ADNP: variants seen among roughly 807,000 people sequenced by gnomAD.
ADNP encodes the protein activity dependent neuroprotector homeobox.
Under a neutral mutation model 84.9 loss-of-function variants are expected in ADNP, and 4 were observed. That is an observed-to-expected ratio of 0.05 (90% confidence interval 0.02 to 0.11). ADNP has a LOEUF of 0.11. Among genes scored for constraint, ADNP ranks in the 10% least tolerant of loss-of-function variants. The probability of loss-of-function intolerance (pLI) is 1.00; values close to 1 mark genes in which losing one functional copy is unlikely to be tolerated. For missense variants in ADNP, 1,132 were observed against 1,326.0 expected, an observed-to-expected ratio of 0.85 and a Z score of 2.27; for synonymous variants, 554 against 468.1, an observed-to-expected ratio of 1.18 and a Z score of -2.37.
At chr20:50,913,511 A>G (rs1393742924) in intron 2 of ADNP, among the ~76,000 whole-genome samples, 1 of 152,182 alleles carries the variant, frequency 6.6e-6, no homozygotes, top group Non-Finnish European at 1.5e-5. Flanking sequence ...CCTTAAACCA[A>G]TGATCTAACT....
At chr20:50,900,136 A>C (rs1311374048) in intron 5 of ADNP, among the ~76,000 whole-genome samples, 1 of 152,190 alleles carries the variant, frequency 6.6e-6, no homozygotes, top group Non-Finnish European at 1.5e-5. Flanking sequence ...CAAGTGCCCA[A>C]TATAGGTGTA....
In ADNP at chr20:50,902,253, G is replaced by A. The variant is rs890818561; in HGVS notation, c.109-144C>T. The A allele has an allele frequency of 1.8e-5, 11 of 595,046 alleles. 1 individual carries two copies. Among genetic ancestry groups the A allele is most frequent in the Non-Finnish European group, 2.9e-5 (10 of 341,256 alleles). 36.9% of individuals were successfully genotyped at this position (595,046 alleles called of 1,614,324 possible). ...AAGGACTTAAACTAGGAGTGATAAG[G>A]CTCTTAAATATAAAAAGGCATATGG... On this transcript the variant is annotated intron_variant, in intron 4 of 5. Transcript: ENST00000621696.
rs779504010 is a variant in ADNP at position 50,902,099 on chromosome 20, T to C, written c.119A>G (p.Gln40Arg). The part of the protein sequence containing the change: ...YCKEHIEDFK[Q>R]FEPNDFYLKN... ...CAAATAAAAGTCATTAGGTTCAAAT[T>C]GTTTAAAATCCTAGAAAACAGTGAA... Residue 40 changes from glutamine to arginine, a missense_variant, in exon 5 of 6, where the codon CAA becomes CGA. Gln to Arg is a conservative substitution (Grantham distance 43). This residue lies in a region of ADNP where 56 missense variants were observed against 94.6 expected (regional missense o/e 0.59). Coordinates refer to ENST00000621696, the MANE Select transcript of ADNP (RefSeq NM_001282531.3). 21 of 1,610,088 alleles carry C rather than the reference T, an allele frequency of 1.3e-5. No individual in the cohort carries two copies. Among genetic ancestry groups the C allele is most frequent in the Non-Finnish European group, 1.8e-5 (21 of 1,176,260 alleles).
chr20:50,922,490 G>C (rs1392466917), intron 2 of ADNP, among the ~76,000 whole-genome samples: 1 of 151,374 alleles, frequency 6.6e-6, no homozygotes, highest in Non-Finnish European at 1.5e-5. Flanking sequence ...AAATGCGTAA[G>C]GGCACTGGGC....
At chr20:50,901,572 ATC>A (rs1439365567) in intron 5 of ADNP, among the ~76,000 whole-genome samples, 1 of 152,180 alleles carries the variant, frequency 6.6e-6, no homozygotes, top group South Asian at 2.1e-4. Context: ...AAGAAGTTTT[ATC>A]TCTCTGTCAC....
chr20:50,895,312 T>TA (rs1235219141), intron 5 of ADNP, among the ~76,000 whole-genome samples: 1 of 152,242 alleles, frequency 6.6e-6, no homozygotes, highest in Non-Finnish European at 1.5e-5. Context: ...TACAAACCTG[T>TA]ACAGCATGTT....
chr20:50,913,250 C>CAA (rs56911332), intron 2 of ADNP, among the ~76,000 whole-genome samples: 1,393 of 42,882 alleles, frequency 0.032, 478 homozygotes, highest in Middle Eastern at 0.059. Context: ...GACTCTGTCT[C>CAA]AAAAAAAAAA....
At chr20:50,907,495 G>C (rs778031585) in intron 2 of ADNP, among the ~76,000 whole-genome samples, 6 of 150,804 alleles carry the variant, frequency 4.0e-5, no homozygotes, top group Non-Finnish European at 7.4e-5. Context: ...TCAAACTCCT[G>C]ACCTCAGGTG....
chr20:50,922,153 C>A (rs1983996585), intron 2 of ADNP, among the ~76,000 whole-genome samples: 1 of 152,188 alleles, frequency 6.6e-6, no homozygotes, highest in South Asian at 2.1e-4. Context: ...TCACACCACA[C>A]AGAAGTCGTG....
At chr20:50,921,545 A>G (rs2122976943) in intron 2 of ADNP, among the ~76,000 whole-genome samples, 1 of 152,362 alleles carries the variant, frequency 6.6e-6, no homozygotes, top group Non-Finnish European at 1.5e-5. Flanking sequence ...ACTGGTGCCC[A>G]CAACTGGAAA....
At position 50,922,578 on chromosome 20, in the gene ADNP, G is replaced by GTTTTT. The variant is rs58775431; in HGVS notation, c.-90+6068_-90+6072dup. ...AGCTCTCTGAACCCAGTCCTCCTGC[G>GTTTTT]TTTTTTTTTTTTTTTTTTAAAGACA... On this transcript the variant is annotated intron_variant, in intron 2 of 5. Coordinates refer to ENST00000621696, the MANE Select transcript of ADNP (RefSeq NM_001282531.3). Among the ~76,000 whole-genome samples, 26 of 125,460 alleles carry GTTTTT rather than the reference G, an allele frequency of 2.1e-4. 1 individual carries two copies. Among genetic ancestry groups the GTTTTT allele is most frequent in the Admixed American group, 5.6e-4 (7 of 12,398 alleles). The allele number at this position is 125,460 out of a possible 152,430, so 82.3% of individuals were successfully genotyped here.
At chr20:50,920,797 A>C (rs1223422233) in intron 2 of ADNP, among the ~76,000 whole-genome samples, 3 of 152,208 alleles carry the variant, frequency 2.0e-5, no homozygotes, top group Admixed American at 6.5e-5. Flanking sequence ...TGTGCTAATA[A>C]TACTATTTTC....
chr20:50,899,197 GTT>G (rs111552447), intron 5 of ADNP, among the ~76,000 whole-genome samples: 27 of 140,906 alleles, frequency 1.9e-4, no homozygotes, highest in Non-Finnish European at 2.3e-4. Context: ...TGGTAATGAG[GTT>G]TTTTTTTTTT....
chr20:50,920,450 A>C (rs570045500), intron 2 of ADNP, among the ~76,000 whole-genome samples: 14 of 147,244 alleles, frequency 9.5e-5, no homozygotes, highest in African/African-American at 3.3e-4. Flanking sequence ...TGTGGTGGCC[A>C]GCGCCTGTAA....
chr20:50,915,128 G>GAAATACAAAT (rs1329129229), intron 2 of ADNP, among the ~76,000 whole-genome samples: 1 of 152,010 alleles, frequency 6.6e-6, no homozygotes, highest in East Asian at 1.9e-4. Context: ...TTGTATTTCA[G>GAAATACAAAT]AAACTAAAAA....
In ADNP at chr20:50,931,002, G is replaced by A. The variant is rs1044589008; in HGVS notation, c.-441C>T. 3.3e-4 allele frequency: 49 copies of A among 146,468 alleles called. No homozygotes were observed. The highest frequency in any genetic ancestry group is 1.2e-3 in the African/African-American group (48 of 40,522). 9.1% of individuals were successfully genotyped at this position (146,468 alleles called of 1,614,324 possible). A position where few individuals can be genotyped will look rare whatever the true frequency, so the allele number is the denominator to read the frequency against. ...TCGCGCCGCGGCCGCGGGTGCTGCCGGGGGGCGCGGCGGGCGCAGCAGAGC... is the reference window on the plus strand; with the variant it reads ...TCGCGCCGCGGCCGCGGGTGCTGCCAGGGGGCGCGGCGGGCGCAGCAGAGC... On this transcript the variant is annotated 5_prime_UTR_variant, in exon 1 of 6. Transcript: ENST00000621696.
At chr20:50,896,259 G>T (rs1455726360) in intron 5 of ADNP, among the ~76,000 whole-genome samples, 1 of 151,702 alleles carries the variant, frequency 6.6e-6, no homozygotes, top group Non-Finnish European at 1.5e-5. Context: ...CAAACACATT[G>T]TACAGCCGTA....
chr20:50,903,999 T>C lies in ADNP; in HGVS notation c.-3A>G, dbSNP rs768722888. 1 of 1,610,536 alleles carries C rather than the reference T, an allele frequency of 6.2e-7. No homozygotes were observed. The highest frequency in any genetic ancestry group is 8.5e-7 in the Non-Finnish European group (1 of 1,178,938). Reference sequence around the variant, plus strand: ...TTGTTGACAGGAAGTTGGAACATAGTTTCTATTGGAAAAAAAAATTTAAGT... The same window carrying C: ...TTGTTGACAGGAAGTTGGAACATAGCTTCTATTGGAAAAAAAAATTTAAGT... On this transcript the variant is annotated splice_region_variant and 5_prime_UTR_variant, in exon 4 of 6. Coordinates refer to ENST00000621696, the MANE Select transcript of ADNP (RefSeq NM_001282531.3).
At chr20:50,899,953 C>T (rs970988668) in intron 5 of ADNP, among the ~76,000 whole-genome samples, 11 of 150,510 alleles carry the variant, frequency 7.3e-5, no homozygotes, top group Non-Finnish European at 1.5e-4. Flanking sequence ...GAAGGGGACC[C>T]GGGCAGGTTG....
Sources: gnomAD v4.1 joint callset for allele counts (sites outside exome capture counted in the v4.1 genomes callset) on GRCh38, gnomAD v4.1.1 for gene constraint, gnomAD v4.1.1 regional missense constraint, MANE v1.5 for transcripts, NCBI Gene and HGNC (gene_info 2026-07-23, HGNC 2026-07-21) for gene names.